The following MAP1B variants were observed in gnomAD, a reference collection of about 807,000 sequenced individuals.
The protein encoded by MAP1B is microtubule associated protein 1B.
Under a neutral mutation model 176.1 loss-of-function variants are expected in MAP1B, and 12 were observed. That is an observed-to-expected ratio of 0.07 (90% confidence interval 0.04 to 0.11). MAP1B has a LOEUF of 0.11. Among genes scored for constraint, MAP1B ranks in the 10% least tolerant of loss-of-function variants. The pLI, the probability that MAP1B is intolerant of heterozygous loss-of-function variation, is 1.00. For synonymous variants in MAP1B, 1,044 were observed against 1,135.0 expected, an observed-to-expected ratio of 0.92 and a Z score of 1.61; for missense variants, 2,523 against 2,990.5, an observed-to-expected ratio of 0.84 and a Z score of 3.65.
intron 2 of MAP1B, among the ~76,000 whole-genome samples, chr5:72,120,586 G>A (rs1030330937): frequency 6.6e-6 from 1 of 150,902 alleles, no homozygotes; most frequent in African/African-American, 2.5e-5. Context: ...CACCATGCCT[G>A]GCTATTTTTT....
chr5:72,128,408 T>TTA (rs1745666379), intron 2 of MAP1B, among the ~76,000 whole-genome samples: 1 of 141,166 alleles, frequency 7.1e-6, no homozygotes, highest in Admixed American at 7.1e-5. Context: ...GATATTGTTT[T>TTA]AAAAAAAAAA....
At chr5:72,180,025 G>T (rs905381044) in intron 2 of MAP1B, 1 of 659,142 alleles carries the variant, frequency 1.5e-6, no homozygotes. Flanking sequence ...GGCAGCAGGC[G>T]AGCTCACTGT....
intron 2 of MAP1B, among the ~76,000 whole-genome samples, chr5:72,128,492 C>G (rs554946031): frequency 6.6e-6 from 1 of 151,692 alleles, no homozygotes; most frequent in Admixed American, 6.6e-5. Context: ...CTAGGTTATT[C>G]GAAGAAAATA....
chr5:72,184,126 G>A (rs1746839660), intron 3 of MAP1B, among the ~76,000 whole-genome samples: 1 of 152,220 alleles, frequency 6.6e-6, no homozygotes, highest in Non-Finnish European at 1.5e-5. Flanking sequence ...CTGCTGGGAT[G>A]GAGTCTGATA....
At chr5:72,110,645 AG>A (rs2112111145) in intron 1 of MAP1B, among the ~76,000 whole-genome samples, 1 of 152,234 alleles carries the variant, frequency 6.6e-6, no homozygotes, top group African/African-American at 2.4e-5. Flanking sequence ...GAGCTGCTCC[AG>A]GGGGGCCAGC....
In MAP1B at chr5:72,207,732, T is replaced by C. The variant is rs760392345; in HGVS notation, c.*2493T>C. On this transcript the variant is annotated 3_prime_UTR_variant, in exon 7 of 7. Coordinates refer to ENST00000296755, the MANE Select transcript of MAP1B (RefSeq NM_005909.5). ...TTTAATGGTTAGCTCTTAAGTTGAATTGGTCTACATAATGCGTGGGAAGAA... is the reference window on the plus strand; with the variant it reads ...TTTAATGGTTAGCTCTTAAGTTGAACTGGTCTACATAATGCGTGGGAAGAA... 4.6e-5 allele frequency: 7 copies of C among 152,248 alleles called. No homozygotes were observed. Among genetic ancestry groups the C allele is most frequent in the Non-Finnish European group, 7.3e-5 (5 of 68,042 alleles). The allele number at this position is 152,248 out of a possible 1,614,324, so 9.4% of individuals were successfully genotyped here. A position where few individuals can be genotyped will look rare whatever the true frequency, so the allele number is the denominator to read the frequency against.
At chr5:72,173,360 T>C (rs1746582447) in intron 2 of MAP1B, among the ~76,000 whole-genome samples, 1 of 152,240 alleles carries the variant, frequency 6.6e-6, no homozygotes, top group Non-Finnish European at 1.5e-5. Flanking sequence ...TTAATCTCAG[T>C]GCTCAGTTTA....
Position 72,208,077 on chromosome 5 carries a change from T to C in MAP1B, c.*2838T>C, listed in dbSNP as rs1000888216. On this transcript the variant is annotated 3_prime_UTR_variant, in exon 7 of 7. Transcript: ENST00000296755. ...TCTATCAGTACCTTTCTCCATCCGTTGTTCTCAATATGACCACAGAGCCTG... is the reference window on the plus strand; with the variant it reads ...TCTATCAGTACCTTTCTCCATCCGTCGTTCTCAATATGACCACAGAGCCTG... The C allele has an allele frequency of 3.5e-5, 3 of 86,742 alleles. No individual in the cohort carries two copies. Among genetic ancestry groups the C allele is most frequent in the Admixed American group, 2.7e-4 (3 of 11,142 alleles). 5.4% of individuals were successfully genotyped at this position (86,742 alleles called of 1,614,324 possible).
intron 1 of MAP1B, among the ~76,000 whole-genome samples, chr5:72,109,074 A>G (rs1745247651): frequency 6.6e-6 from 1 of 152,220 alleles, no homozygotes; most frequent in South Asian, 2.1e-4. Context: ...AAAAGACGAA[A>G]GAAAAACCTT....
Position 72,174,773 on chromosome 5 carries a change from GGAACCCT to G in MAP1B, c.287-8968_287-8962del, listed in dbSNP as rs144375439. The stretch of plus-strand genomic sequence containing the variant: ...CTGGAGGAAACCAAATCAGAGACTT[GGAACCCT>G]GTCATTAGAGCTTAAGTAAGTGGAC... On this transcript the variant is annotated intron_variant, in intron 2 of 6. Transcript: ENST00000296755. 8.4e-3 allele frequency among the ~76,000 whole-genome samples: 1,272 copies of G among 152,262 alleles called. 19 individuals are homozygous for G. Among genetic ancestry groups the G allele is most frequent in the African/African-American group, 0.029 (1,204 of 41,536 alleles).
At position 72,197,757 on chromosome 5, in the gene MAP1B, A is replaced by G. The variant is rs773747166; in HGVS notation, c.4402A>G (p.Ile1468Val). The part of the protein sequence containing the change: ...QEGKSTDFAP[I>V]KEDFGQEKKT... Reference sequence around the variant, plus strand: ...AGGGAAAAGCACAGACTTTGCACCAATAAAAGAAGACTTTGGCCAAGAAAA... The same window carrying G: ...AGGGAAAAGCACAGACTTTGCACCAGTAAAAGAAGACTTTGGCCAAGAAAA... Residue 1468 changes from isoleucine to valine, a missense_variant, in exon 5 of 7, where the codon ATA (isoleucine) becomes GTA (valine). This residue lies in a region of MAP1B where 1,925 missense variants were observed against 2,126.0 expected (regional missense o/e 0.91). Coordinates refer to ENST00000296755, the MANE Select transcript of MAP1B (RefSeq NM_005909.5). 1.9e-5 allele frequency: 31 copies of G among 1,614,126 alleles called. No individual in the cohort carries two copies. The highest frequency in any genetic ancestry group is 2.5e-5 in the Non-Finnish European group (30 of 1,180,048).
intron 4 of MAP1B, among the ~76,000 whole-genome samples, chr5:72,188,627 TG>T (rs1746963645): frequency 6.6e-6 from 1 of 152,212 alleles, no homozygotes; most frequent in Non-Finnish European, 1.5e-5. Flanking sequence ...TAAATAAGGT[TG>T]TTATGAATAT....
chr5:72,160,208 G>A (rs1746302429), intron 2 of MAP1B, among the ~76,000 whole-genome samples: 1 of 110,420 alleles, frequency 9.1e-6, no homozygotes, highest in Non-Finnish European at 1.8e-5. Context: ...TCAGCTGTAT[G>A]TTGGAAACTT....
chr5:72,165,113 G>A (rs1309016200), intron 2 of MAP1B, among the ~76,000 whole-genome samples: 1 of 152,154 alleles, frequency 6.6e-6, no homozygotes, highest in Non-Finnish European at 1.5e-5. Context: ...AGGTAATTTT[G>A]TCAGCTAATT....
At chr5:72,124,083 G>T (rs1745580992) in intron 2 of MAP1B, among the ~76,000 whole-genome samples, 1 of 152,144 alleles carries the variant, frequency 6.6e-6, no homozygotes, top group South Asian at 2.1e-4. Flanking sequence ...TAGTCACAAT[G>T]ACAAAGGTTA....
chr5:72,174,745 A>G (rs1409468626), intron 2 of MAP1B, among the ~76,000 whole-genome samples: 2 of 152,202 alleles, frequency 1.3e-5, no homozygotes, highest in Non-Finnish European at 1.5e-5. Context: ...ACCTTGTCTC[A>G]GCCTGGAGGA....
At position 72,195,182 on chromosome 5, in the gene MAP1B, C is replaced by A; in HGVS notation, c.1827C>A (p.Ser609Arg). 5 of 1,613,550 alleles carry A rather than the reference C, an allele frequency of 3.1e-6. No homozygotes were observed. Among genetic ancestry groups the A allele is most frequent in the Non-Finnish European group, 4.2e-6 (5 of 1,179,964 alleles). Residue 609 changes from serine to arginine, a missense_variant, in exon 5 of 7, where the codon AGC becomes AGA. By Grantham distance (110) the Ser-to-Arg change is moderately radical. Around this residue, in one of 4 missense-constraint regions of MAP1B, gnomAD observed 1,925 missense variants for 2,126.0 expected, o/e 0.91. Coordinates refer to ENST00000296755, the MANE Select transcript of MAP1B (RefSeq NM_005909.5). The part of the protein sequence containing the change: ...KPSVTEKEVP[S>R]KEEPSPVKAE... ...CAGTGACTGAAAAGGAGGTTCCCAG[C>A]AAAGAAGAGCCATCTCCAGTGAAAG...
In MAP1B at chr5:72,196,261, A is replaced by G. The variant is rs769946062; in HGVS notation, c.2906A>G (p.His969Arg). The G allele has an allele frequency of 6.2e-7, 1 of 1,614,008 alleles. No homozygotes were observed. The highest frequency in any genetic ancestry group is 1.1e-5 in the South Asian group (1 of 91,056). The change falls in exon 5 of 7, where the codon CAC becomes CGC. Residue 969 changes from histidine (H) to arginine (R), a missense_variant. Physicochemically the swap from His to Arg is conservative, Grantham distance 29. This residue lies in a region of MAP1B where 1,925 missense variants were observed against 2,126.0 expected (regional missense o/e 0.91). Transcript: ENST00000296755. The surrounding 1 kb of genome is among the most constrained non-coding windows in gnomAD (Gnocchi z 5.3). ...CACGTATGTGTGAGCGCCTCCAAGCACAGCCCCACTGAGGATGAGGAAAGT... is the reference window on the plus strand; with the variant it reads ...CACGTATGTGTGAGCGCCTCCAAGCGCAGCCCCACTGAGGATGAGGAAAGT... Reference protein sequence around the residue: ...EEHVCVSASKHSPTEDEESAK... With the variant: ...EEHVCVSASKRSPTEDEESAK...
At chr5:72,202,395 A>C (rs2111899059) in intron 5 of MAP1B, among the ~76,000 whole-genome samples, 1 of 152,384 alleles carries the variant, frequency 6.6e-6, no homozygotes, top group African/African-American at 2.4e-5. Context: ...AGAATGAATT[A>C]GCTTATCCAA....
Sources: allele counts gnomAD v4.1 joint callset (sites outside exome capture counted in the v4.1 genomes callset), GRCh38; gene constraint gnomAD v4.1.1; regional missense constraint gnomAD v4.1.1; non-coding constraint Gnocchi (gnomAD v3.1); transcripts MANE v1.5; gene names NCBI Gene and HGNC (gene_info 2026-07-23, HGNC 2026-07-21).